Variants in CNTNAP2 observed in about 807,000 individuals in gnomAD.
CNTNAP2 encodes the protein contactin-associated protein-like 2.
In CNTNAP2, 98 loss-of-function variants were observed where a neutral mutation model predicts 155.2. The ratio of observed to expected loss-of-function variants is 0.63; its 90% CI spans 0.54 to 0.75. The LOEUF is 0.75. Among genes scored for constraint, CNTNAP2 ranks in the 30% least tolerant of loss-of-function variants. The probability of loss-of-function intolerance (pLI) is 0.00; values close to 1 mark genes in which losing one functional copy is unlikely to be tolerated. For synonymous variants in CNTNAP2, 651 were observed against 631.2 expected (o/e 1.03, Z -0.47); for missense variants, 1,727 against 1,688.1 (o/e 1.02, Z -0.40).
At chr7:146,799,176 G>A (rs1176472413) in intron 2 of CNTNAP2, among the ~76,000 whole-genome samples, 1 of 152,086 alleles carries the variant, frequency 6.6e-6, no homozygotes, top group Non-Finnish European at 1.5e-5. Context: ...ATTTCTTTGA[G>A]TTGCTTTCTT....
intron 3 of CNTNAP2, among the ~76,000 whole-genome samples, chr7:146,901,254 G>T (rs1289322925): frequency 6.6e-6 from 1 of 152,090 alleles, no homozygotes; most frequent in Non-Finnish European, 1.5e-5. Context: ...AACAGTTTCT[G>T]CTGAGTAAAA....
At chr7:148,326,402 A>G (rs1192712935) in intron 21 of CNTNAP2, among the ~76,000 whole-genome samples, 1 of 152,022 alleles carries the variant, frequency 6.6e-6, no homozygotes, top group East Asian at 1.9e-4. Context: ...TGCTTTCTAT[A>G]TGTAATTCTA....
chr7:147,277,499 A>G (rs1804923038), intron 8 of CNTNAP2, among the ~76,000 whole-genome samples: 1 of 152,048 alleles, frequency 6.6e-6, no homozygotes, highest in Non-Finnish European at 1.5e-5. Context: ...GTCAGAATTT[A>G]CTACTATTTG....
At chr7:147,659,563 G>A (rs773254203) in intron 13 of CNTNAP2, among the ~76,000 whole-genome samples, 4 of 152,156 alleles carry the variant, frequency 2.6e-5, no homozygotes, top group African/African-American at 9.7e-5. Flanking sequence ...CATGTGTGTT[G>A]CATGGAGTTC....
chr7:147,580,750 G>C (rs1174063233), intron 12 of CNTNAP2, among the ~76,000 whole-genome samples: 1 of 151,976 alleles, frequency 6.6e-6, no homozygotes, highest in Non-Finnish European at 1.5e-5. Flanking sequence ...TGAGTAGCTA[G>C]GACTACAGGC....
chr7:146,393,569 G>T (rs1795576693), intron 1 of CNTNAP2, among the ~76,000 whole-genome samples: 1 of 151,958 alleles, frequency 6.6e-6, no homozygotes, highest in African/African-American at 2.4e-5. Flanking sequence ...AATTCCTTTG[G>T]GAATTCTCTA....
chr7:147,923,540 A>G (rs1408141687), intron 14 of CNTNAP2, among the ~76,000 whole-genome samples: 2 of 152,048 alleles, frequency 1.3e-5, no homozygotes, highest in African/African-American at 2.4e-5. Flanking sequence ...TAGAGGTGGC[A>G]TCTCGGTCTG....
chr7:146,914,935 A>G (rs1361996971), intron 3 of CNTNAP2, among the ~76,000 whole-genome samples: 4 of 151,960 alleles, frequency 2.6e-5, no homozygotes, highest in Non-Finnish European at 4.4e-5. Context: ...ATCTTCTAGA[A>G]TTTTTATAGT....
intron 1 of CNTNAP2, among the ~76,000 whole-genome samples, chr7:146,411,770 T>G (rs1795867821): frequency 6.6e-6 from 1 of 152,038 alleles, no homozygotes; most frequent in Admixed American, 6.6e-5. Flanking sequence ...CATTTTGTAC[T>G]GTATTTGAAA....
intron 20 of CNTNAP2, among the ~76,000 whole-genome samples, chr7:148,249,475 T>G (rs1796329745): frequency 6.6e-6 from 1 of 152,174 alleles, no homozygotes; most frequent in Non-Finnish European, 1.5e-5. Context: ...AATGTCGTGC[T>G]CTTAAATTTT....
chr7:147,142,733 C>G (rs1280077464), intron 8 of CNTNAP2, among the ~76,000 whole-genome samples: 2 of 151,986 alleles, frequency 1.3e-5, no homozygotes, highest in Non-Finnish European at 2.9e-5. Flanking sequence ...GCACATGTAC[C>G]CTAAAACTTA....
At chr7:147,854,185 A>G (rs977552999) in intron 13 of CNTNAP2, among the ~76,000 whole-genome samples, 9 of 152,150 alleles carry the variant, frequency 5.9e-5, no homozygotes, top group African/African-American at 2.2e-4. Context: ...TTTCTGAGGG[A>G]AAGTTGACTA....
chr7:148,182,104 AT>A (rs1325425948), intron 18 of CNTNAP2, among the ~76,000 whole-genome samples: 2 of 151,436 alleles, frequency 1.3e-5, no homozygotes, highest in South Asian at 2.1e-4. Context: ...ACACAGCTGA[AT>A]TTTTTTTCCT....
chr7:146,225,761 TCTCCTAC>T (rs1799283343), intron 1 of CNTNAP2, among the ~76,000 whole-genome samples: 1 of 152,182 alleles, frequency 6.6e-6, no homozygotes, highest in Non-Finnish European at 1.5e-5. Context: ...CTGCCTAAAA[TCTCCTAC>T]CACTTCCACA....
At chr7:146,813,363 G>A (rs1036314664) in intron 2 of CNTNAP2, among the ~76,000 whole-genome samples, 10 of 152,166 alleles carry the variant, frequency 6.6e-5, no homozygotes, top group Admixed American at 5.9e-4. Context: ...CCCAACTCTT[G>A]CATCAATGTG....
chr7:146,472,315 C>A (rs2129126832), intron 1 of CNTNAP2, among the ~76,000 whole-genome samples: 1 of 152,190 alleles, frequency 6.6e-6, no homozygotes, highest in South Asian at 2.1e-4. Context: ...ATTCTGCATC[C>A]AAATAATTGC....
chr7:146,507,587 A>T (rs796722699), intron 1 of CNTNAP2, among the ~76,000 whole-genome samples: 29 of 152,182 alleles, frequency 1.9e-4, no homozygotes, highest in African/African-American at 6.7e-4. Context: ...TGGTCTGGGG[A>T]TATGCCTGAA....
chr7:147,336,174 G>A (rs1025244768), intron 9 of CNTNAP2, among the ~76,000 whole-genome samples: 1 of 152,126 alleles, frequency 6.6e-6, no homozygotes, highest in Non-Finnish European at 1.5e-5. Flanking sequence ...GCTAGCTCTT[G>A]AATACTAGGT....
chr7:146,336,539 G>GAAA (rs11382460), intron 1 of CNTNAP2, among the ~76,000 whole-genome samples: 7 of 140,358 alleles, frequency 5.0e-5, no homozygotes, highest in African/African-American at 1.8e-4. Context: ...ATCCATAAAG[G>GAAA]AAAAAAAAAA....
Sources: allele counts gnomAD v4.1 joint callset (sites outside exome capture counted in the v4.1 genomes callset), GRCh38; gene constraint gnomAD v4.1.1; transcripts MANE v1.5; gene names NCBI Gene and HGNC (gene_info 2026-07-23, HGNC 2026-07-21).